Variants in ZNF618 observed in about 807,000 individuals in gnomAD.
The protein encoded by ZNF618 is neural precursor cell expressed, developmentally down-regulated 10.
A neutral mutation model predicts 103.0 loss-of-function variants in ZNF618; 34 were observed. The ratio of observed to expected loss-of-function variants is 0.33; its 90% CI spans 0.25 to 0.44. ZNF618 has a LOEUF of 0.44. ZNF618 is among the 20% of genes least tolerant of loss of function. The probability of loss-of-function intolerance (pLI) is 1.00; values close to 1 mark genes in which losing one functional copy is unlikely to be tolerated. For synonymous variants in ZNF618, 551 were observed against 542.2 expected (o/e 1.02, Z -0.23); for missense variants, 1,059 against 1,295.4 (o/e 0.82, Z 2.80).
At chr9:113,938,486 C>T (rs1246540619) in intron 1 of ZNF618, among the ~76,000 whole-genome samples, 1 of 151,872 alleles carries the variant, frequency 6.6e-6, no homozygotes, top group Non-Finnish European at 1.5e-5. Context: ...CCAACCCATG[C>T]ATATTTCTTA....
intron 1 of ZNF618, among the ~76,000 whole-genome samples, chr9:113,882,524 G>A (rs911616054): frequency 2.4e-4 from 36 of 152,194 alleles, no homozygotes; most frequent in Non-Finnish European, 4.7e-4. Flanking sequence ...CAACACTTGG[G>A]GTAGTCCTGG....
intron 1 of ZNF618, among the ~76,000 whole-genome samples, chr9:113,918,315 G>C (rs1461819958): frequency 5.3e-5 from 8 of 152,172 alleles, no homozygotes; most frequent in Admixed American, 4.6e-4. Context: ...TGTCTGCCAG[G>C]TTCCTTCTCT....
At chr9:114,021,747 G>A (rs920910122) in intron 10 of ZNF618, among the ~76,000 whole-genome samples, 7 of 151,960 alleles carry the variant, frequency 4.6e-5, no homozygotes, top group African/African-American at 1.7e-4. Context: ...TCCCCATCCC[G>A]AGGCAAACAC....
At chr9:113,919,606 C>T (rs555242360) in intron 1 of ZNF618, among the ~76,000 whole-genome samples, 82 of 152,292 alleles carry the variant, frequency 5.4e-4, no homozygotes, top group African/African-American at 1.8e-3. Context: ...GCCCCTGGGC[C>T]GGCTGCTGCT....
At chr9:114,037,365 C>T (rs184051166) in intron 13 of ZNF618, among the ~76,000 whole-genome samples, 111 of 152,296 alleles carry the variant, frequency 7.3e-4, no homozygotes, top group African/African-American at 2.6e-3. Context: ...TTTCAGACCA[C>T]AAGTGACACC....
chr9:113,984,629 G>C (rs1288567449), intron 2 of ZNF618, among the ~76,000 whole-genome samples: 1 of 152,210 alleles, frequency 6.6e-6, no homozygotes, highest in Non-Finnish European at 1.5e-5. Flanking sequence ...GTGCTCTTGA[G>C]GCCTCGGGCT....
intron 1 of ZNF618, among the ~76,000 whole-genome samples, chr9:113,890,186 C>T (rs1829485190): frequency 6.6e-6 from 1 of 152,102 alleles, no homozygotes; most frequent in Non-Finnish European, 1.5e-5. Flanking sequence ...AATAGTTTTT[C>T]TTCCCTGACT....
At chr9:113,889,317 A>G (rs375625138) in intron 1 of ZNF618, among the ~76,000 whole-genome samples, 2 of 139,256 alleles carry the variant, frequency 1.4e-5, no homozygotes, top group Non-Finnish European at 3.1e-5. Flanking sequence ...CCCCGCTACC[A>G]TCTCTCTCTC....
intron 1 of ZNF618, among the ~76,000 whole-genome samples, chr9:113,923,553 T>C (rs1295342490): frequency 1.3e-5 from 2 of 152,174 alleles, no homozygotes; most frequent in African/African-American, 2.4e-5. Flanking sequence ...CTGTGACTAT[T>C]CTTTTTTAGC....
At chr9:113,928,316 A>T (rs1282887344) in intron 1 of ZNF618, among the ~76,000 whole-genome samples, 1 of 151,736 alleles carries the variant, frequency 6.6e-6, no homozygotes, top group Non-Finnish European at 1.5e-5. Context: ...CTGTTTTTGG[A>T]TGTTGTCTAA....
At chr9:113,894,658 A>G (rs535661609) in intron 1 of ZNF618, among the ~76,000 whole-genome samples, 4 of 152,276 alleles carry the variant, frequency 2.6e-5, no homozygotes, top group African/African-American at 9.6e-5. Context: ...GAGTTTTCCA[A>G]ATAAGTTTTG....
chr9:113,981,133 G>C lies in ZNF618; in HGVS notation c.78-7188G>C, dbSNP rs77140380. On this transcript the variant is annotated intron_variant, in intron 2 of 14. Coordinates refer to ENST00000374126, the MANE Select transcript of ZNF618 (RefSeq NM_001318042.2). ...GAGAGTGTATTTAAGCTCAGCTGGA[G>C]AGCAGTTCACCTTCATTCCTAAGGA... 1.1e-3 allele frequency among the ~76,000 whole-genome samples: 165 copies of C among 152,312 alleles called. 1 individual carries two copies. The highest frequency in any genetic ancestry group is 3.8e-3 in the African/African-American group (157 of 41,562).
At chr9:113,967,519 C>T (rs2132735176) in intron 1 of ZNF618, among the ~76,000 whole-genome samples, 1 of 152,306 alleles carries the variant, frequency 6.6e-6, no homozygotes, top group Non-Finnish European at 1.5e-5. Flanking sequence ...TCCCAATTGG[C>T]TCTCCTGAAT....
At chr9:113,951,469 GTGTA>G (rs1298765512) in intron 1 of ZNF618, among the ~76,000 whole-genome samples, 3 of 19,986 alleles carry the variant, frequency 1.5e-4, no homozygotes, top group African/African-American at 3.1e-4. Flanking sequence ...ACATATATGT[GTGTA>G]TGTGTACACA....
chr9:113,920,467 T>C (rs947380882), intron 1 of ZNF618, among the ~76,000 whole-genome samples: 4 of 151,164 alleles, frequency 2.6e-5, no homozygotes, highest in African/African-American at 9.7e-5. Flanking sequence ...AGTGGTGTGA[T>C]CTCGGTTCAT....
At chr9:113,959,289 A>C (rs900305597) in intron 1 of ZNF618, among the ~76,000 whole-genome samples, 59 of 149,318 alleles carry the variant, frequency 4.0e-4, no homozygotes, top group African/African-American at 1.3e-3. Context: ...CTCTGTCTCA[A>C]AAAAAAAAAA....
intron 2 of ZNF618, among the ~76,000 whole-genome samples, chr9:113,987,199 C>A (rs963491507): frequency 2.6e-5 from 4 of 152,166 alleles, no homozygotes; most frequent in African/African-American, 9.7e-5. Context: ...CATGGGGATG[C>A]TTCCCTTGTC....
chr9:114,000,436 G>A (rs1327269999), intron 4 of ZNF618, among the ~76,000 whole-genome samples: 2 of 152,166 alleles, frequency 1.3e-5, no homozygotes, highest in Admixed American at 6.5e-5. Flanking sequence ...CTTTGAATGC[G>A]GCCCAACACA....
chr9:113,889,419 C>T (rs998914961), intron 1 of ZNF618, among the ~76,000 whole-genome samples: 2 of 151,498 alleles, frequency 1.3e-5, no homozygotes, highest in African/African-American at 2.4e-5. Flanking sequence ...TCTTACGTGG[C>T]GTCTTGAGGC....
Sources: gnomAD v4.1 joint callset for allele counts (sites outside exome capture counted in the v4.1 genomes callset) on GRCh38, gnomAD v4.1.1 for gene constraint, MANE v1.5 for transcripts, NCBI Gene and HGNC (gene_info 2026-07-23, HGNC 2026-07-21) for gene names.